HCN1: variants seen among roughly 807,000 people sequenced by gnomAD.
HCN1 encodes the protein potassium/sodium hyperpolarization-activated cyclic nucleotide-gated channel 1.
HCN1 carries 13 observed loss-of-function variants against 78.9 expected under a neutral mutation model. The observed-to-expected ratio is 0.16, with a 90% CI of 0.11 to 0.26. The LOEUF (loss-of-function observed/expected upper bound fraction) is 0.26, where lower values mean the gene tolerates loss of function less well. Among genes scored for constraint, HCN1 ranks in the 10% least tolerant of loss-of-function variants. The probability of loss-of-function intolerance (pLI) is 1.00; values close to 1 mark genes in which losing one functional copy is unlikely to be tolerated. For missense variants in HCN1, 810 were observed against 1,154.3 expected, an observed-to-expected ratio of 0.70 and a Z score of 4.32; for synonymous variants, 552 against 455.5, an observed-to-expected ratio of 1.21 and a Z score of -2.70.
At chr5:45,530,452 A>G (rs888702484) in intron 2 of HCN1, among the ~76,000 whole-genome samples, 3 of 150,170 alleles carry the variant, frequency 2.0e-5, no homozygotes, top group Non-Finnish European at 4.4e-5. Context: ...TTTTTTTAAA[A>G]TAAAGGGTGC....
chr5:45,301,951 A>G (rs1745631977), intron 6 of HCN1, among the ~76,000 whole-genome samples: 1 of 152,064 alleles, frequency 6.6e-6, no homozygotes, highest in Non-Finnish European at 1.5e-5. Flanking sequence ...ACATTCCTAT[A>G]AATTAGATTT....
chr5:45,649,794 G>A (rs999527008), intron 1 of HCN1, among the ~76,000 whole-genome samples: 1 of 151,872 alleles, frequency 6.6e-6, no homozygotes, highest in Non-Finnish European at 1.5e-5. Context: ...GATTTTTAAT[G>A]AAAACATACA....
chr5:45,300,495 C>A (rs1486060312), intron 6 of HCN1, among the ~76,000 whole-genome samples: 1 of 152,000 alleles, frequency 6.6e-6, no homozygotes, highest in Non-Finnish European at 1.5e-5. Context: ...AATATATTTT[C>A]TCTTCCTTAT....
chr5:45,368,628 T>G (rs918277088), intron 4 of HCN1, among the ~76,000 whole-genome samples: 1 of 152,114 alleles, frequency 6.6e-6, no homozygotes, highest in African/African-American at 2.4e-5. Context: ...AATGGCCTAA[T>G]TGGCATCTCC....
intron 5 of HCN1, among the ~76,000 whole-genome samples, chr5:45,339,150 A>C (rs1366697588): frequency 6.6e-6 from 1 of 152,160 alleles, no homozygotes; most frequent in Admixed American, 6.5e-5. Context: ...TCTGTTAAAG[A>C]AGACCTTTTA....
intron 3 of HCN1, among the ~76,000 whole-genome samples, chr5:45,443,961 ACAAAGTTATGAACC>A (rs1408502427): frequency 6.6e-6 from 1 of 152,184 alleles, no homozygotes; most frequent in Non-Finnish European, 1.5e-5. Flanking sequence ...AATGAGTAAT[ACAAAGTTATGAACC>A]CAAAGCAGCT....
chr5:45,666,166 G>A (rs1746044729), intron 1 of HCN1, among the ~76,000 whole-genome samples: 1 of 152,038 alleles, frequency 6.6e-6, no homozygotes. Context: ...CCCAGGACAA[G>A]TAGTGGTGCC....
At chr5:45,305,816 A>G (rs1201569644) in intron 5 of HCN1, among the ~76,000 whole-genome samples, 2 of 148,840 alleles carry the variant, frequency 1.3e-5, no homozygotes, top group African/African-American at 4.9e-5. Flanking sequence ...GAATGAAGGA[A>G]GCAAGGAAAG....
At chr5:45,334,386 G>A (rs1056977791) in intron 5 of HCN1, among the ~76,000 whole-genome samples, 8 of 151,498 alleles carry the variant, frequency 5.3e-5, no homozygotes, top group African/African-American at 1.9e-4. Context: ...TTCCACTGAG[G>A]ACTTTTCAGT....
In HCN1 at chr5:45,566,821, A is replaced by G. The variant is rs577897472; in HGVS notation, c.849+78364T>C. 1.8e-4 allele frequency among the ~76,000 whole-genome samples: 27 copies of G among 152,322 alleles called. 1 individual carries two copies. In the South Asian group the frequency reaches 1.9e-3, roughly 11 times the overall value. On this transcript the variant is annotated intron_variant, in intron 2 of 7. Transcript: ENST00000303230. The stretch of plus-strand genomic sequence containing the variant: ...AAAATGCCCAAGCAAGAACTCTCAT[A>G]TGGTTTCTTGTGCAACGAATAGGAG...
At chr5:45,634,725 A>G (rs559097049) in intron 2 of HCN1, among the ~76,000 whole-genome samples, 5 of 152,060 alleles carry the variant, frequency 3.3e-5, no homozygotes, top group Admixed American at 6.6e-5. Flanking sequence ...TAGATTAAAG[A>G]TTATCTAGAG....
intron 2 of HCN1, among the ~76,000 whole-genome samples, chr5:45,501,288 A>C (rs1271022782): frequency 6.6e-6 from 1 of 152,212 alleles, no homozygotes; most frequent in African/African-American, 2.4e-5. Flanking sequence ...CAATGTTCAA[A>C]AAATAATTTT....
At chr5:45,512,959 G>A (rs1002380495) in intron 2 of HCN1, among the ~76,000 whole-genome samples, 4 of 151,908 alleles carry the variant, frequency 2.6e-5, no homozygotes, top group African/African-American at 4.8e-5. Flanking sequence ...TCCAACTCAC[G>A]CCAGAGCCCG....
chr5:45,308,127 G>T (rs947215433), intron 5 of HCN1, among the ~76,000 whole-genome samples: 7 of 152,130 alleles, frequency 4.6e-5, no homozygotes, highest in African/African-American at 1.7e-4. Flanking sequence ...TTGCTAAAAG[G>T]TGTCTGGCAC....
At chr5:45,402,579 T>G (rs1255637251) in intron 3 of HCN1, among the ~76,000 whole-genome samples, 4 of 151,922 alleles carry the variant, frequency 2.6e-5, no homozygotes. Flanking sequence ...AATACAGAAG[T>G]CAGTATAAAT....
intron 2 of HCN1, among the ~76,000 whole-genome samples, chr5:45,509,957 T>C (rs894935875): frequency 2.6e-5 from 4 of 152,104 alleles, no homozygotes; most frequent in Admixed American, 6.6e-5. Context: ...GTAGAAGGAA[T>C]TCCCCAGATA....
At chr5:45,437,631 T>G (rs948803512) in intron 3 of HCN1, among the ~76,000 whole-genome samples, 1 of 152,104 alleles carries the variant, frequency 6.6e-6, no homozygotes, top group African/African-American at 2.4e-5. Context: ...TCATAAAGAG[T>G]GTGACATTTG....
chr5:45,367,169 CTT>C, intron 4 of HCN1, among the ~76,000 whole-genome samples: 1 of 151,770 alleles, frequency 6.6e-6, no homozygotes, highest in Admixed American at 6.6e-5. Flanking sequence ...GTCCTTGAGT[CTT>C]AAGTTAAAAA....
intron 4 of HCN1, among the ~76,000 whole-genome samples, chr5:45,373,995 T>C (rs190442967): frequency 3.9e-4 from 43 of 110,272 alleles, no homozygotes; most frequent in Non-Finnish European, 1.8e-4. Context: ...ATATATATAA[T>C]ATATATTATA....
Sources: gnomAD v4.1 joint callset for allele counts (sites outside exome capture counted in the v4.1 genomes callset) on GRCh38, gnomAD v4.1.1 for gene constraint, MANE v1.5 for transcripts, NCBI Gene and HGNC (gene_info 2026-07-23, HGNC 2026-07-21) for gene names.